Variants in ADAM12 observed in about 807,000 individuals in gnomAD.
The protein encoded by ADAM12 is ADAM metallopeptidase domain 12, also known as disintegrin and metalloproteinase domain-containing protein 12.
A neutral mutation model predicts 106.4 loss-of-function variants in ADAM12; 70 were observed. The ratio of observed to expected loss-of-function variants is 0.66; its 90% CI spans 0.54 to 0.80. The LOEUF is 0.80. ADAM12 is among the 30% of genes least tolerant of loss of function. ADAM12 has a pLI of 0.00. For synonymous variants in ADAM12, 420 were observed against 433.5 expected (o/e 0.97, Z 0.39); for missense variants, 1,010 against 1,171.9 (o/e 0.86, Z 2.02).
At position 126,053,590 on chromosome 10, in the gene ADAM12, ATTAAC is replaced by A. The variant is rs1954559467; in HGVS notation, c.1610-3926_1610-3922del. 1.3e-5 allele frequency among the ~76,000 whole-genome samples: 2 copies of A among 152,290 alleles called. No homozygotes were observed. Among genetic ancestry groups the A allele is most frequent in the South Asian group, 2.1e-4 (1 of 4,818 alleles). On this transcript the variant is annotated intron_variant, in intron 14 of 22. Coordinates refer to ENST00000448723, the MANE Select transcript of ADAM12 (RefSeq NM_001288973.2). The surrounding 1 kb of genome is among the most constrained non-coding windows in gnomAD (Gnocchi z 4.6). ...AGCATCATCTTATAATATGCTGTCA[ATTAAC>A]TTAATGAGAAACAGTTAAAAGAATC... is the stretch of plus-strand genomic sequence containing the variant.
chr10:126,043,037 G>T lies in ADAM12; in HGVS notation c.2104+3C>A. On this transcript the variant is annotated splice_donor_region_variant and intron_variant, in intron 18 of 22. Transcript: ENST00000448723. This position sits in a 1 kb window ranked among gnomAD's most constrained non-coding sequence, Gnocchi z 4.1. ...CCCACCGGGATGCAGGGGCTTCACT[G>T]ACCTGCTTGCCGGATGGGGCCGCTG... 1 of 1,613,882 alleles carries T rather than the reference G, an allele frequency of 6.2e-7. No homozygotes were observed. The highest frequency in any genetic ancestry group is 1.1e-5 in the South Asian group (1 of 91,012).
intron 3 of ADAM12, among the ~76,000 whole-genome samples, chr10:126,210,527 G>C (rs996186437): frequency 3.9e-5 from 6 of 152,220 alleles, no homozygotes; most frequent in African/African-American, 1.4e-4. Context: ...GGGCCACAGA[G>C]AGAATGTCGT....
chr10:126,319,141 T>TA (rs562632645), intron 2 of ADAM12, among the ~76,000 whole-genome samples: 6 of 152,200 alleles, frequency 3.9e-5, no homozygotes, highest in Admixed American at 2.6e-4. Flanking sequence ...GTTAAATGAT[T>TA]AAAAACATAA....
intron 1 of ADAM12, among the ~76,000 whole-genome samples, chr10:126,383,905 A>T (rs1856570216): frequency 6.6e-6 from 1 of 152,218 alleles, no homozygotes; most frequent in African/African-American, 2.4e-5. Flanking sequence ...CTTTTCTAGT[A>T]TTCTGTACAA....
intron 14 of ADAM12, among the ~76,000 whole-genome samples, chr10:126,062,046 C>A (rs1954767662): frequency 6.6e-6 from 1 of 152,094 alleles, no homozygotes; most frequent in South Asian, 2.1e-4. Flanking sequence ...TTGCAGCCTT[C>A]CCTGCTCTCT....
At position 126,143,551 on chromosome 10, in the gene ADAM12, G is replaced by A. The variant is rs573770106; in HGVS notation, c.340-7891C>T. 5.2e-4 allele frequency among the ~76,000 whole-genome samples: 78 copies of A among 150,092 alleles called. No homozygotes were observed. The South Asian group carries it at 6.8e-3, about 13-fold the overall frequency. ...TATGTACATGTGTATGGGTATGCAC[G>A]CATGTATATGTGGGCACATGTGTAT... On this transcript the variant is annotated intron_variant, in intron 4 of 22. Transcript: ENST00000448723.
At chr10:126,314,226 G>A (rs541749488) in intron 2 of ADAM12, among the ~76,000 whole-genome samples, 233 of 152,314 alleles carry the variant, frequency 1.5e-3, no homozygotes, top group African/African-American at 5.5e-3. Context: ...AGCTTGGAGA[G>A]AGGGACATGG....
intron 8 of ADAM12, among the ~76,000 whole-genome samples, chr10:126,106,266 A>T (rs1287293848): frequency 6.6e-6 from 1 of 151,900 alleles, no homozygotes; most frequent in African/African-American, 2.4e-5. Context: ...CAAATGAATA[A>T]CCTCTGCCCA....
Position 126,013,024 on chromosome 10 carries a change from T to G in ADAM12, c.*4255A>C, listed in dbSNP as rs1953596594. On this transcript the variant is annotated 3_prime_UTR_variant, in exon 23 of 23. Transcript: ENST00000448723. The surrounding 1 kb of genome is among the most constrained non-coding windows in gnomAD (Gnocchi z 4.3). Reference sequence around the variant, plus strand: ...GAAGGTCAGGGTGGGTTACAGGGCATTCAACCTGGAAGAGCTGAATAGCTT... The same window carrying G: ...GAAGGTCAGGGTGGGTTACAGGGCAGTCAACCTGGAAGAGCTGAATAGCTT... 1 of 152,222 alleles carries G rather than the reference T, an allele frequency of 6.6e-6. No homozygotes were observed. Among genetic ancestry groups the G allele is most frequent in the Non-Finnish European group, 1.5e-5 (1 of 68,036 alleles). The allele number at this position is 152,222 out of a possible 1,614,324, so 9.4% of individuals were successfully genotyped here.
rs538533608 is a variant in ADAM12, at chr10:126,147,669, A to G, written c.339+7558T>C. ...TGTTGGTTCAAATGTTCCTTTCCCC[A>G]TAAAGCCTTCCATGATCCCTCAGAC... On this transcript the variant is annotated intron_variant, in intron 4 of 22. Coordinates refer to ENST00000448723, the MANE Select transcript of ADAM12 (RefSeq NM_001288973.2). Among the ~76,000 whole-genome samples, 28 of 152,236 alleles carry G rather than the reference A, an allele frequency of 1.8e-4. 1 individual carries two copies. Among genetic ancestry groups the G allele is most frequent in the Admixed American group, 9.8e-4 (15 of 15,302 alleles).
intron 3 of ADAM12, among the ~76,000 whole-genome samples, chr10:126,245,481 A>AGG (rs1462178642): frequency 1.3e-5 from 2 of 152,176 alleles, no homozygotes; most frequent in Non-Finnish European, 2.9e-5. Flanking sequence ...TTTAGAAGAT[A>AGG]GGGGGACCAT....
intron 1 of ADAM12, among the ~76,000 whole-genome samples, chr10:126,378,082 A>C (rs1856357497): frequency 6.6e-6 from 1 of 152,216 alleles, no homozygotes; most frequent in South Asian, 2.1e-4. Flanking sequence ...TTTAGTAATG[A>C]GAAAAATGCC....
intron 3 of ADAM12, chr10:126,273,467 G>A (rs993002450): frequency 6.6e-6 from 1 of 152,160 alleles, no homozygotes; most frequent in African/African-American, 2.4e-5. Flanking sequence ...AAAAGATGGT[G>A]GGTGGGGAGG....
At chr10:126,363,986 A>G (rs533116493) in intron 1 of ADAM12, among the ~76,000 whole-genome samples, 4 of 152,290 alleles carry the variant, frequency 2.6e-5, no homozygotes, top group Non-Finnish European at 1.5e-5. Context: ...CAAAAATATA[A>G]GAATATTTTG....
chr10:126,016,322 G>A lies in ADAM12; in HGVS notation c.*957C>T, dbSNP rs1015203777. 2.6e-5 allele frequency: 4 copies of A among 152,084 alleles called. No individual in the cohort carries two copies. The highest frequency in any genetic ancestry group is 9.7e-5 in the African/African-American group (4 of 41,424). 9.4% of individuals were successfully genotyped at this position (152,084 alleles called of 1,614,324 possible). ...ATCTGAAAATAGTTGTGGTCCCATG[G>A]AAAGCCTCATCTGTCTGAATACAGG... On this transcript the variant is annotated 3_prime_UTR_variant, in exon 23 of 23. Transcript: ENST00000448723.
chr10:126,375,143 C>A (rs1856239201), intron 1 of ADAM12, among the ~76,000 whole-genome samples: 1 of 151,642 alleles, frequency 6.6e-6, no homozygotes, highest in African/African-American at 2.4e-5. Flanking sequence ...AAACATTTTC[C>A]AGGCAAACAA....
intron 14 of ADAM12, among the ~76,000 whole-genome samples, chr10:126,061,267 GC>G (rs1954750009): frequency 6.6e-6 from 1 of 152,200 alleles, no homozygotes; most frequent in African/African-American, 2.4e-5. Flanking sequence ...TAGGAGCTCT[GC>G]ATCTAGCATA....
intron 3 of ADAM12, among the ~76,000 whole-genome samples, chr10:126,210,965 T>C (rs1361940841): frequency 6.6e-6 from 1 of 152,188 alleles, no homozygotes; most frequent in Non-Finnish European, 1.5e-5. Context: ...AATTGCCTTT[T>C]TCCTATTTTC....
chr10:126,128,276 G>C (rs1956238917), intron 5 of ADAM12, among the ~76,000 whole-genome samples: 1 of 152,258 alleles, frequency 6.6e-6, no homozygotes, highest in South Asian at 2.1e-4. Context: ...AGCTGGGTCA[G>C]TACCTGGTGA....
Sources: allele counts gnomAD v4.1 joint callset (sites outside exome capture counted in the v4.1 genomes callset), GRCh38; gene constraint gnomAD v4.1.1; non-coding constraint Gnocchi (gnomAD v3.1); transcripts MANE v1.5; gene names NCBI Gene and HGNC (gene_info 2026-07-23, HGNC 2026-07-21).